CLPB: variants seen among roughly 807,000 people sequenced by gnomAD.
CLPB encodes the protein ClpB family mitochondrial disaggregase, also known as mitochondrial disaggregase.
Under a neutral mutation model 78.4 loss-of-function variants are expected in CLPB, and 40 were observed. The ratio of observed to expected loss-of-function variants is 0.51; its 90% CI spans 0.40 to 0.66. The LOEUF (loss-of-function observed/expected upper bound fraction) is 0.66, where lower values mean the gene tolerates loss of function less well. Ranked by LOEUF, CLPB falls within the 30% of genes least tolerant of loss-of-function variation. CLPB has a pLI of 0.00. For missense variants in CLPB, 780 were observed against 886.9 expected (o/e 0.88, Z 1.53); for synonymous variants, 333 against 348.0 (o/e 0.96, Z 0.48).
At chr11:72,397,799 A>T (rs953313182) in intron 3 of CLPB, among the ~76,000 whole-genome samples, 2 of 152,204 alleles carry the variant, frequency 1.3e-5, no homozygotes, top group Non-Finnish European at 2.9e-5. Flanking sequence ...TAGAAATTAT[A>T]AGAATCTAAG....
intron 5 of CLPB, among the ~76,000 whole-genome samples, chr11:72,340,135 TA>T (rs1950393617): frequency 6.6e-6 from 1 of 152,252 alleles, no homozygotes; most frequent in African/African-American, 2.4e-5. Flanking sequence ...AACACAGACA[TA>T]AACATGCTCC....
intron 2 of CLPB, among the ~76,000 whole-genome samples, chr11:72,420,919 G>A (rs1438014546): frequency 1.3e-5 from 2 of 152,212 alleles, no homozygotes; most frequent in Non-Finnish European, 2.9e-5. Context: ...CAGCACTTTG[G>A]GAGGCCAAGG....
intron 4 of CLPB, among the ~76,000 whole-genome samples, chr11:72,364,502 C>G (rs866522226): frequency 6.6e-6 from 1 of 151,682 alleles, no homozygotes; most frequent in South Asian, 2.1e-4. Flanking sequence ...TCACTGCGCC[C>G]GGCCAAAAAA....
Position 72,293,347 on chromosome 11 carries a change from T to C in CLPB, c.*20A>G, listed in dbSNP as rs776047708. On this transcript the variant is annotated 3_prime_UTR_variant, in exon 16 of 16. Transcript: ENST00000538039. ...GCCTTTATTGGATGGTGAGGGCACA[T>C]AGGAGCAGGCAGGTGGCTGCTAGAT... is the stretch of plus-strand genomic sequence containing the variant. The C allele has an allele frequency of 7.8e-5, 126 of 1,609,760 alleles. No individual in the cohort carries two copies. The Admixed American group carries it at 1.0e-3, about 13-fold the overall frequency.
chr11:72,429,392 T>C (rs1323599652), intron 2 of CLPB, among the ~76,000 whole-genome samples: 1 of 152,160 alleles, frequency 6.6e-6, no homozygotes, highest in Non-Finnish European at 1.5e-5. Context: ...TGGGGTGGGC[T>C]GCTTTTCAAC....
chr11:72,377,591 TA>T (rs1197010500), intron 4 of CLPB, among the ~76,000 whole-genome samples: 1 of 131,986 alleles, frequency 7.6e-6, no homozygotes, highest in African/African-American at 3.0e-5. Flanking sequence ...GAGTTAAAAA[TA>T]ATCCAGAGGT....
At chr11:72,423,968 C>T (rs1231010440) in intron 2 of CLPB, among the ~76,000 whole-genome samples, 1 of 152,234 alleles carries the variant, frequency 6.6e-6, no homozygotes, top group African/African-American at 2.4e-5. Context: ...GAGTTCACTT[C>T]AGTCTCATTT....
chr11:72,426,723 T>TA (rs1273740662), intron 2 of CLPB, among the ~76,000 whole-genome samples: 1 of 152,142 alleles, frequency 6.6e-6, no homozygotes, highest in Non-Finnish European at 1.5e-5. Flanking sequence ...TGGAACAGGG[T>TA]AAAAGACGGT....
At chr11:72,398,534 G>C (rs1485976347) in intron 3 of CLPB, among the ~76,000 whole-genome samples, 1 of 152,054 alleles carries the variant, frequency 6.6e-6, no homozygotes, top group African/African-American at 2.4e-5. Context: ...GTCCGTGTTT[G>C]GTAAAATTGG....
intron 4 of CLPB, among the ~76,000 whole-genome samples, chr11:72,364,107 C>G (rs1950894771): frequency 6.6e-6 from 1 of 152,278 alleles, no homozygotes; most frequent in African/African-American, 2.4e-5. Context: ...TGAGTTACTT[C>G]ATCTCATCAT....
intron 4 of CLPB, among the ~76,000 whole-genome samples, chr11:72,363,113 G>A (rs1473217932): frequency 2.6e-5 from 4 of 151,010 alleles, no homozygotes; most frequent in African/African-American, 9.8e-5. Context: ...CCGAGATCAC[G>A]CCACTGCACT....
intron 5 of CLPB, among the ~76,000 whole-genome samples, chr11:72,342,793 A>G (rs775227243): frequency 6.6e-6 from 1 of 152,240 alleles, no homozygotes; most frequent in Non-Finnish European, 1.5e-5. Context: ...CGTCTGGGGC[A>G]CAGCCACAGT....
chr11:72,294,152 C>A (rs763512700), intron 14 of CLPB, 26 bp from the exon 15 acceptor site: 1 of 1,610,462 alleles, frequency 6.2e-7, no homozygotes, highest in Non-Finnish European at 8.5e-7. Flanking sequence ...TAGAAGCATG[C>A]CTGCATGTGG....
At position 72,404,410 on chromosome 11, in the gene CLPB, C is replaced by G. The variant is rs373940333; in HGVS notation, c.456-1358G>C. Among the ~76,000 whole-genome samples the G allele has an allele frequency of 2.6e-5, 4 of 152,262 alleles. No individual in the cohort carries two copies. The East Asian group carries it at 7.7e-4, about 29-fold the overall frequency. On this transcript the variant is annotated intron_variant, in intron 2 of 15. Coordinates refer to ENST00000538039, the MANE Select transcript of CLPB (RefSeq NM_001258392.3). ...ATCTATAGTAAATGTCCCTACAGAC[C>G]AAGTCAAATAAAATCTGTGTTGCTG...
intron 5 of CLPB, among the ~76,000 whole-genome samples, chr11:72,335,816 T>C (rs1950310673): frequency 1.3e-5 from 2 of 152,214 alleles, no homozygotes; most frequent in African/African-American, 4.8e-5. Flanking sequence ...TCTCTCCAGG[T>C]GCCATCTTCT....
intron 5 of CLPB, among the ~76,000 whole-genome samples, chr11:72,333,847 CCCGCAGAG>C (rs1200920800): frequency 6.6e-6 from 1 of 152,162 alleles, no homozygotes; most frequent in Non-Finnish European, 1.5e-5. Context: ...TCCTCCCCTC[CCCGCAGAG>C]CTAAACCACA....
chr11:72,390,011 TG>T (rs1855200878), intron 3 of CLPB, among the ~76,000 whole-genome samples: 1 of 152,222 alleles, frequency 6.6e-6, no homozygotes, highest in South Asian at 2.1e-4. Context: ...CTTACTAATT[TG>T]GGGAAGCAGA....
chr11:72,414,394 T>C (rs1354100460), intron 2 of CLPB, among the ~76,000 whole-genome samples: 1 of 152,254 alleles, frequency 6.6e-6, no homozygotes, highest in Non-Finnish European at 1.5e-5. Context: ...CCAGGAAACC[T>C]GTCACACTAC....
chr11:72,404,736 A>G (rs1454372675), intron 2 of CLPB, among the ~76,000 whole-genome samples: 2 of 152,200 alleles, frequency 1.3e-5, no homozygotes, highest in African/African-American at 4.8e-5. Flanking sequence ...CACCTGGAGC[A>G]GACCCAGGGT....
Sources: gnomAD v4.1 joint callset for allele counts (sites outside exome capture counted in the v4.1 genomes callset) on GRCh38, gnomAD v4.1.1 for gene constraint, MANE v1.5 for transcripts, NCBI Gene and HGNC (gene_info 2026-07-23, HGNC 2026-07-21) for gene names.